Variants in COL11A2 observed in about 807,000 individuals in gnomAD.
The protein encoded by COL11A2 is collagen type XI alpha 2 chain.
Under a neutral mutation model 273.4 loss-of-function variants are expected in COL11A2, and 116 were observed. The observed-to-expected ratio is 0.42, with a 90% CI of 0.36 to 0.49. The LOEUF (loss-of-function observed/expected upper bound fraction) is 0.49, where lower values mean the gene tolerates loss of function less well. Among genes scored for constraint, COL11A2 ranks in the 20% least tolerant of loss-of-function variants. The pLI is 0.00. For missense variants in COL11A2, 1,866 were observed against 2,309.0 expected (o/e 0.81, Z 3.93); for synonymous variants, 782 against 864.2 (o/e 0.90, Z 1.67).
intron 53 of COL11A2, 48 bp from the exon 54 acceptor site, chr6:33,168,620 G>T (rs1038280912): frequency 6.2e-7 from 1 of 1,608,596 alleles, no homozygotes; most frequent in African/African-American, 1.3e-5. Flanking sequence ...CTCCAGCCAA[G>T]GGACCCCTCA....
At chr6:33,191,153 G>C (rs995324166) in intron 1 of COL11A2, among the ~76,000 whole-genome samples, 1 of 152,076 alleles carries the variant, frequency 6.6e-6, no homozygotes, top group Non-Finnish European at 1.5e-5. Context: ...TTCCCCCTAA[G>C]AAAGACTCCT....
At position 33,179,368 on chromosome 6, in the gene COL11A2, C is replaced by G. The variant is rs1265934484; in HGVS notation, c.1503+63G>C. The G allele has an allele frequency of 8.3e-6, 13 of 1,570,142 alleles. No individual in the cohort carries two copies. Among genetic ancestry groups the G allele is most frequent in the African/African-American group, 2.7e-5 (2 of 74,238 alleles). On this transcript the variant is annotated intron_variant, in intron 14 of 65. Coordinates refer to ENST00000341947, the MANE Select transcript of COL11A2 (RefSeq NM_080680.3). This position sits in a 1 kb window ranked among gnomAD's most constrained non-coding sequence, Gnocchi z 6.4. ...GTGTTCCCCAAAAGAAGCCCCTTTC[C>G]AGAACTATCCACACCCCACACACAA...
chr6:33,177,031 C>A lies in COL11A2; in HGVS notation c.2031G>T (p.Lys677Asn). 1 of 1,612,202 alleles carries A rather than the reference C, an allele frequency of 6.2e-7. No individual in the cohort carries two copies. The highest frequency in any genetic ancestry group is 8.5e-7 in the Non-Finnish European group (1 of 1,179,646). ...GPHGEKGPQG[K>N]PGLPGMPGSD... Reference sequence around the variant, plus strand: ...AGCCAGGCATGCCGGGGAGCCCTGGCTTCCCTTGAGGACCCTGCAGGAAGA... The same window carrying A: ...AGCCAGGCATGCCGGGGAGCCCTGGATTCCCTTGAGGACCCTGCAGGAAGA... The change falls in exon 25 of 66, where the codon AAG becomes AAT. Residue 677 changes from lysine to asparagine, a missense_variant. Lys to Asn is a moderately conservative substitution (Grantham distance 94). Transcript: ENST00000341947. The surrounding 1 kb of genome is among the most constrained non-coding windows in gnomAD (Gnocchi z 5.9).
rs1768873732 is a variant in COL11A2, at chr6:33,164,841, C to T, written c.4863+11G>A. Reference sequence around the variant, plus strand: ...GGGGCAGGGGAGGGGCAGCGAGGGGCCAGCTCTCACCTGCGTGACGTCATC... The same window carrying T: ...GGGGCAGGGGAGGGGCAGCGAGGGGTCAGCTCTCACCTGCGTGACGTCATC... On this transcript the variant is annotated intron_variant, in intron 64 of 65. Transcript: ENST00000341947. This position sits in a 1 kb window ranked among gnomAD's most constrained non-coding sequence, Gnocchi z 4.7. 1.3e-6 allele frequency: 2 copies of T among 1,551,412 alleles called. No homozygotes were observed. The highest frequency in any genetic ancestry group is 1.4e-5 in the African/African-American group (1 of 73,114).
chr6:33,166,601 C>G lies in COL11A2; in HGVS notation c.4339-35G>C. ...GTAGTGGCTGGTTCAACTGGGTCCT[C>G]CTCCCACACCCTCCTGAGCACCTGC... On this transcript the variant is annotated intron_variant, in intron 59 of 65. Coordinates refer to ENST00000341947, the MANE Select transcript of COL11A2 (RefSeq NM_080680.3). This position sits in a 1 kb window ranked among gnomAD's most constrained non-coding sequence, Gnocchi z 4.8. The G allele has an allele frequency of 6.2e-7, 1 of 1,613,084 alleles. No homozygotes were observed. The highest frequency in any genetic ancestry group is 8.5e-7 in the Non-Finnish European group (1 of 1,179,486).
intron 39 of COL11A2, 60 bp from the exon 40 acceptor site, chr6:33,172,438 T>A: frequency 1.3e-6 from 2 of 1,548,706 alleles, no homozygotes; most frequent in Non-Finnish European, 1.8e-6. Flanking sequence ...CAGAGAGCTC[T>A]CCAGCCCCCC....
At chr6:33,186,514 G>A (rs769072467) in intron 5 of COL11A2, 113 bp downstream of exon 5, 1 of 1,580,206 alleles carries the variant, frequency 6.3e-7, no homozygotes, top group Non-Finnish European at 8.6e-7. Flanking sequence ...TAGGAGGAGG[G>A]GGTGATGGGA....
intron 30 of COL11A2, 119 bp downstream of exon 30, chr6:33,175,455 G>A (rs1770762795): frequency 2.5e-6 from 2 of 796,782 alleles, no homozygotes; most frequent in Non-Finnish European, 2.2e-6. Flanking sequence ...ACAGAAGTAT[G>A]ACTAATGCAT....
At position 33,188,518 on chromosome 6, in the gene COL11A2, G is replaced by A. The variant is rs910121091; in HGVS notation, c.450C>T (p.His150=). 5.6e-6 allele frequency: 9 copies of A among 1,612,942 alleles called. No individual in the cohort carries two copies. Among genetic ancestry groups the A allele is most frequent in the African/African-American group, 1.3e-5 (1 of 74,918 alleles). The stretch of plus-strand genomic sequence containing the variant: ...GGCCCTTCACAGCCACAGCCACACG[G>A]TGCCACCTGGAAATGGTGGAAGAGG... ...RGLSLADGKW[H]RVAVAVKGQS... Residue 150 remains histidine, a synonymous_variant, in exon 4 of 66, where the codon CAC becomes CAT. Transcript: ENST00000341947.
At position 33,177,692 on chromosome 6, in the gene COL11A2, C is replaced by A; in HGVS notation, c.1887G>T (p.Met629Ile). The change falls in exon 22 of 66, where the codon ATG (methionine) becomes ATT (isoleucine). Residue 629 changes from methionine (M) to isoleucine (I), a missense_variant. Transcript: ENST00000341947. The surrounding 1 kb of genome is among the most constrained non-coding windows in gnomAD (Gnocchi z 5.9). Reference sequence around the variant, plus strand: ...TCCCTTTGGGGCCCTGGGGACCATCCATGCCTCGGACGCCCTGAAACACAA... The same window carrying A: ...TCCCTTTGGGGCCCTGGGGACCATCAATGCCTCGGACGCCCTGAAACACAA... ...GIPGPPGVRGMDGPQGPKGSL... is the reference protein window; with the variant it reads ...GIPGPPGVRGIDGPQGPKGSL... 2 of 1,612,844 alleles carry A rather than the reference C, an allele frequency of 1.2e-6. No individual in the cohort carries two copies. The highest frequency in any genetic ancestry group is 1.7e-6 in the Non-Finnish European group (2 of 1,179,976).
Position 33,167,116 on chromosome 6 carries a change from G to C in COL11A2, c.4184C>G (p.Pro1395Arg). 1 of 1,614,132 alleles carries C rather than the reference G, an allele frequency of 6.2e-7. No individual in the cohort carries two copies. The highest frequency in any genetic ancestry group is 8.5e-7 in the Non-Finnish European group (1 of 1,180,000). The change falls in exon 58 of 66, where the codon CCA (proline) becomes CGA (arginine). Residue 1395 changes from proline to arginine, a missense_variant. By Grantham distance (103) the Pro-to-Arg change is moderately radical. Coordinates refer to ENST00000341947, the MANE Select transcript of COL11A2 (RefSeq NM_080680.3). The surrounding 1 kb of genome is among the most constrained non-coding windows in gnomAD (Gnocchi z 6.1). ...QAGPPGPVGP[P>R]GLPGLRGDAG... ...ATCGCCCCGGAGACCAGGCAGCCCT[G>C]GGGGTCCCTGTGGAGAGATGGGAAG...
intron 6 of COL11A2, 93 bp from the exon 7 acceptor site, chr6:33,185,147 A>C (rs1772231982): frequency 2.2e-6 from 2 of 919,054 alleles, no homozygotes; most frequent in Admixed American, 4.0e-5. Flanking sequence ...CTGTCCCCCG[A>C]GGGCAGGGTC....
Position 33,163,649 on chromosome 6 carries a change from C to A in COL11A2, c.*29G>T. ...GTGGGATTCCAGGTGGGCCTGGTTC[C>A]GAATGGACAGGATCAGACAGAGACG... On this transcript the variant is annotated 3_prime_UTR_variant, in exon 66 of 66. Coordinates refer to ENST00000341947, the MANE Select transcript of COL11A2 (RefSeq NM_080680.3). This position sits in a 1 kb window ranked among gnomAD's most constrained non-coding sequence, Gnocchi z 4.1. 1 of 1,612,904 alleles carries A rather than the reference C, an allele frequency of 6.2e-7. No individual in the cohort carries two copies. The highest frequency in any genetic ancestry group is 8.5e-7 in the Non-Finnish European group (1 of 1,179,982).
Position 33,178,004 on chromosome 6 carries a change from G to T in COL11A2, c.1872+128C>A. Reference sequence around the variant, plus strand: ...TGAGGCAGGGCAGTGTGGGGCCAGAGCAGGGGGAGCTCACAGGGAATGGGA... The same window carrying T: ...TGAGGCAGGGCAGTGTGGGGCCAGATCAGGGGGAGCTCACAGGGAATGGGA... On this transcript the variant is annotated intron_variant, in intron 21 of 65. Coordinates refer to ENST00000341947, the MANE Select transcript of COL11A2 (RefSeq NM_080680.3). The surrounding 1 kb of genome is among the most constrained non-coding windows in gnomAD (Gnocchi z 4.6). 2.9e-6 allele frequency: 3 copies of T among 1,043,816 alleles called. No homozygotes were observed. The highest frequency in any genetic ancestry group is 4.3e-6 in the Non-Finnish European group (3 of 699,028). The allele number at this position is 1,043,816 out of a possible 1,614,324, so 64.7% of individuals were successfully genotyped here.
Position 33,177,354 on chromosome 6 carries a change from T to C in COL11A2, c.1971+58A>G, listed in dbSNP as rs1246045055. ...CTGTATCCTTCCAGGGTCTCACCCA[T>C]TGTGGAAGCCCAAGGGAAGTCATGA... On this transcript the variant is annotated intron_variant, in intron 23 of 65. Transcript: ENST00000341947. The surrounding 1 kb of genome is among the most constrained non-coding windows in gnomAD (Gnocchi z 5.9). 2.5e-6 allele frequency: 4 copies of C among 1,606,642 alleles called. No individual in the cohort carries two copies. Among genetic ancestry groups the C allele is most frequent in the East Asian group, 2.2e-5 (1 of 44,838 alleles).
At position 33,178,499 on chromosome 6, in the gene COL11A2, G is replaced by C. The variant is rs1384737980; in HGVS notation, c.1720-11C>G. On this transcript the variant is annotated splice_polypyrimidine_tract_variant and intron_variant, in intron 18 of 65. Transcript: ENST00000341947. This position sits in a 1 kb window ranked among gnomAD's most constrained non-coding sequence, Gnocchi z 4.6. ...GGCACCAGTATCACCCTGCAAAATG[G>C]GGGAACTCATAAGAGGGGCTTCAGA... 6.2e-7 allele frequency: 1 copy of C among 1,612,826 alleles called. No individual in the cohort carries two copies. The highest frequency in any genetic ancestry group is 8.5e-7 in the Non-Finnish European group (1 of 1,179,916).
At position 33,192,266 on chromosome 6, in the gene COL11A2, CCAGGGACCCAG is replaced by C; in HGVS notation, c.-37_-27del. ...GGCTGAGAAGCCGAAACGCCGGGTC[CCAGGGACCCAG>C]GTCGGCCTGAGACGCTGGATGCCCT... On this transcript the variant is annotated 5_prime_UTR_variant, in exon 1 of 66. Transcript: ENST00000341947. 1 of 1,549,740 alleles carries C rather than the reference CCAGGGACCCAG, an allele frequency of 6.5e-7. No homozygotes were observed.
At chr6:33,185,495 CTAGGG>C (rs1772292111) in intron 6 of COL11A2, among the ~76,000 whole-genome samples, 1 of 151,926 alleles carries the variant, frequency 6.6e-6, no homozygotes. Context: ...CCGATGCCCC[CTAGGG>C]GAAGGGGGAG....
In COL11A2 at chr6:33,169,610, C is replaced by T. The variant is rs575014424; in HGVS notation, c.3691-120G>A. On this transcript the variant is annotated intron_variant, in intron 50 of 65. Coordinates refer to ENST00000341947, the MANE Select transcript of COL11A2 (RefSeq NM_080680.3). This position sits in a 1 kb window ranked among gnomAD's most constrained non-coding sequence, Gnocchi z 5.5. The stretch of plus-strand genomic sequence containing the variant: ...CCCCTCAGTGACAATGGGACATACA[C>T]AGAAAGTCAAGCCTACAAGGGGAGT... The T allele has an allele frequency of 4.9e-5, 56 of 1,150,056 alleles. No individual in the cohort carries two copies. In the Admixed American group the frequency reaches 6.3e-4, roughly 13 times the overall value. The allele number at this position is 1,150,056 out of a possible 1,614,324, so 71.2% of individuals were successfully genotyped here.
Sources: gnomAD v4.1 joint callset for allele counts (sites outside exome capture counted in the v4.1 genomes callset) on GRCh38, gnomAD v4.1.1 for gene constraint, Gnocchi (gnomAD v3.1) non-coding constraint, MANE v1.5 for transcripts, NCBI Gene and HGNC (gene_info 2026-07-23, HGNC 2026-07-21) for gene names.